STUM: variants seen among roughly 807,000 people sequenced by gnomAD.
STUM encodes the protein stum, mechanosensory transduction mediator homolog.
A neutral mutation model predicts 15.3 loss-of-function variants in STUM; 8 were observed. The ratio of observed to expected loss-of-function variants is 0.52; its 90% confidence interval spans 0.31 to 0.94. The LOEUF (loss-of-function observed/expected upper bound fraction) is 0.94, where lower values mean the gene tolerates loss of function less well. STUM is among the 40% of genes least tolerant of loss of function. The probability of loss-of-function intolerance (pLI) is 0.05; values close to 1 mark genes in which losing one functional copy is unlikely to be tolerated. For missense variants in STUM, 142 were observed against 204.9 expected, an observed-to-expected ratio of 0.69 and a Z score of 1.87; for synonymous variants, 78 against 88.7, an observed-to-expected ratio of 0.88 and a Z score of 0.68.
At chr1:226,570,577 C>T (rs1266483725) in intron 1 of STUM, among the ~76,000 whole-genome samples, 2 of 152,242 alleles carry the variant, frequency 1.3e-5, no homozygotes, top group Non-Finnish European at 2.9e-5. Flanking sequence ...CAAGCCACCT[C>T]CCTCCACCTG....
rs552398481 is a variant in STUM, at chr1:226,549,641, G to T, written c.202+535G>T. 6.6e-6 allele frequency among the ~76,000 whole-genome samples: 1 copy of T among 152,220 alleles called. No individual in the cohort carries two copies. The highest frequency in any genetic ancestry group is 2.4e-5 in the African/African-American group (1 of 41,466). On this transcript the variant is annotated intron_variant, in intron 1 of 3. Transcript: ENST00000366788. The surrounding 1 kb of genome is among the most constrained non-coding windows in gnomAD (Gnocchi z 6.8). ...CGCGGAGTGCGGACCGCGTGGGGAC[G>T]AGAACTCTAGCCAGAGTCTCCTCCG...
chr1:226,554,369 T>C (rs1452690932), intron 1 of STUM, among the ~76,000 whole-genome samples: 1 of 152,150 alleles, frequency 6.6e-6, no homozygotes, highest in African/African-American at 2.4e-5. Flanking sequence ...GATGGTAGGG[T>C]AGAGGCATGA....
intron 1 of STUM, among the ~76,000 whole-genome samples, chr1:226,556,172 G>T (rs530215520): frequency 6.6e-6 from 1 of 152,294 alleles, no homozygotes; most frequent in South Asian, 2.1e-4. Context: ...CATGGGAGTG[G>T]TCAGTTAACG....
At chr1:226,599,407 A>G (rs1417340707) in intron 2 of STUM, among the ~76,000 whole-genome samples, 2 of 152,256 alleles carry the variant, frequency 1.3e-5, no homozygotes, top group Non-Finnish European at 2.9e-5. Context: ...ACTCCCAGCA[A>G]CCATGGAACT....
At chr1:226,563,122 A>G (rs1406112491) in intron 1 of STUM, among the ~76,000 whole-genome samples, 1 of 152,204 alleles carries the variant, frequency 6.6e-6, no homozygotes, top group Non-Finnish European at 1.5e-5. Flanking sequence ...TATTTTTGCA[A>G]CTTTTCTGCC....
intron 1 of STUM, among the ~76,000 whole-genome samples, chr1:226,577,560 C>T (rs540397074): frequency 6.6e-6 from 1 of 152,110 alleles, no homozygotes; most frequent in East Asian, 1.9e-4. Context: ...CACGCATGCA[C>T]GCCAGGGACT....
chr1:226,558,572 G>A (rs1179316298), intron 1 of STUM, among the ~76,000 whole-genome samples: 1 of 152,142 alleles, frequency 6.6e-6, no homozygotes, highest in African/African-American at 2.4e-5. Context: ...TTTCTCCACT[G>A]TACTCCCCAA....
chr1:226,579,880 G>A (rs1365006412), intron 1 of STUM, among the ~76,000 whole-genome samples: 2 of 152,100 alleles, frequency 1.3e-5, no homozygotes, highest in Non-Finnish European at 2.9e-5. Context: ...GCCTCCCAAC[G>A]TGTTGGGATT....
chr1:226,606,907 G>C lies in STUM; in HGVS notation c.*4867G>C, dbSNP rs565743948. ...ATCAGCAAGCTCATCGAGAGCTAAC[G>C]TGGGCCCAGCAGTCCTGTGCTTGGA... is the stretch of plus-strand genomic sequence containing the variant. On this transcript the variant is annotated 3_prime_UTR_variant, in exon 4 of 4. Transcript: ENST00000366788. 1.3e-5 allele frequency: 2 copies of C among 152,310 alleles called. No individual in the cohort carries two copies. Among genetic ancestry groups the C allele is most frequent in the African/African-American group, 4.8e-5 (2 of 41,464 alleles). 9.4% of individuals were successfully genotyped at this position (152,310 alleles called of 1,614,324 possible).
At chr1:226,557,241 C>A (rs1667461093) in intron 1 of STUM, among the ~76,000 whole-genome samples, 1 of 152,192 alleles carries the variant, frequency 6.6e-6, no homozygotes, top group Admixed American at 6.5e-5. Context: ...TCTTTCTGTG[C>A]CTGACTTATT....
intron 1 of STUM, among the ~76,000 whole-genome samples, chr1:226,578,455 G>C (rs1382321785): frequency 2.8e-5 from 4 of 144,224 alleles, no homozygotes; most frequent in Admixed American, 2.2e-4. Flanking sequence ...AGCCTCGACT[G>C]TCTGGGCTCA....
chr1:226,583,759 C>A (rs1348181336), intron 1 of STUM, among the ~76,000 whole-genome samples: 1 of 152,192 alleles, frequency 6.6e-6, no homozygotes, highest in Non-Finnish European at 1.5e-5. Context: ...GATTCTCTGA[C>A]TTTTGTCAGT....
In STUM at chr1:226,606,660, G is replaced by C. The variant is rs974596666; in HGVS notation, c.*4620G>C. 19 of 152,222 alleles carry C rather than the reference G, an allele frequency of 1.2e-4. No individual in the cohort carries two copies. The highest frequency in any genetic ancestry group is 3.9e-4 in the African/African-American group (16 of 41,448). 9.4% of individuals were successfully genotyped at this position (152,222 alleles called of 1,614,324 possible). A position where few individuals can be genotyped will look rare whatever the true frequency, so the allele number is the denominator to read the frequency against. On this transcript the variant is annotated 3_prime_UTR_variant, in exon 4 of 4. Transcript: ENST00000366788. ...AAAGCACACCCCACCCCCTGCACCC[G>C]AGCGGCACCTAAGCTTCCCAGAGAC...
In STUM at chr1:226,565,631, C is replaced by T. The variant is rs986825341; in HGVS notation, c.202+16525C>T. On this transcript the variant is annotated intron_variant, in intron 1 of 3. Transcript: ENST00000366788. This position sits in a 1 kb window ranked among gnomAD's most constrained non-coding sequence, Gnocchi z 4.4. ...CTCTGGTGCTCAGGAGATGCCTCAG[C>T]TGGGGGAGGGGTGGAGACTTGAGAA... 6.6e-6 allele frequency among the ~76,000 whole-genome samples: 1 copy of T among 152,216 alleles called. No homozygotes were observed. Among genetic ancestry groups the T allele is most frequent in the African/African-American group, 2.4e-5 (1 of 41,466 alleles).
intron 1 of STUM, among the ~76,000 whole-genome samples, chr1:226,582,445 A>G (rs1164883813): frequency 6.6e-6 from 1 of 152,106 alleles, no homozygotes; most frequent in Non-Finnish European, 1.5e-5. Flanking sequence ...AGTACAAAAA[A>G]TTAGCTGGGT....
intron 1 of STUM, among the ~76,000 whole-genome samples, chr1:226,571,367 T>C (rs1203310565): frequency 6.6e-6 from 1 of 152,196 alleles, no homozygotes; most frequent in East Asian, 1.9e-4. Flanking sequence ...TTCGAAATAG[T>C]GATAAGTGCC....
At chr1:226,558,818 G>A (rs1667492443) in intron 1 of STUM, among the ~76,000 whole-genome samples, 1 of 152,170 alleles carries the variant, frequency 6.6e-6, no homozygotes, top group South Asian at 2.1e-4. Flanking sequence ...ATACCTTTGA[G>A]GCACATACTT....
chr1:226,571,858 T>G (rs185754237), intron 1 of STUM, among the ~76,000 whole-genome samples: 202 of 152,300 alleles, frequency 1.3e-3, no homozygotes, highest in African/African-American at 4.4e-3. Flanking sequence ...TAGTCTGGTC[T>G]CGAACTCCTG....
rs1183076326 is a variant in STUM, at chr1:226,607,136, TTA to T, written c.*5097_*5098del. ...TGGTCCTTCTGACCAGCTTGGATCT[TTA>T]AAATAATCACAAAAAAGCTCAGCCT... On this transcript the variant is annotated 3_prime_UTR_variant, in exon 4 of 4. Coordinates refer to ENST00000366788, the MANE Select transcript of STUM (RefSeq NM_001003665.4). 3.3e-5 allele frequency: 5 copies of T among 152,270 alleles called. No homozygotes were observed. The highest frequency in any genetic ancestry group is 2.0e-4 in the Admixed American group (3 of 15,284). 9.4% of individuals were successfully genotyped at this position (152,270 alleles called of 1,614,324 possible).
Sources: gnomAD v4.1 joint callset for allele counts (sites outside exome capture counted in the v4.1 genomes callset) on GRCh38, gnomAD v4.1.1 for gene constraint, Gnocchi (gnomAD v3.1) non-coding constraint, MANE v1.5 for transcripts, NCBI Gene and HGNC (gene_info 2026-07-23, HGNC 2026-07-21) for gene names.